Variants in ARHGEF17 observed in about 807,000 individuals in gnomAD.
ARHGEF17 encodes the protein 164 kDa Rho-specific guanine-nucleotide exchange factor.
In ARHGEF17, 80 loss-of-function variants were observed where a neutral mutation model predicts 174.0. That is an observed-to-expected ratio of 0.46 (90% CI 0.38 to 0.55). The LOEUF is 0.55. Among genes scored for constraint, ARHGEF17 ranks in the 20% least tolerant of loss-of-function variants. The pLI, the probability that ARHGEF17 is intolerant of heterozygous loss-of-function variation, is 0.00. For synonymous variants in ARHGEF17, 1,311 were observed against 1,189.1 expected, an observed-to-expected ratio of 1.10 and a Z score of -2.11; for missense variants, 2,886 against 2,839.7, an observed-to-expected ratio of 1.02 and a Z score of -0.37.
In ARHGEF17 at chr11:73,310,508, G is replaced by C; in HGVS notation, c.1870G>C (p.Gly624Arg). The change falls in exon 1 of 21, where the codon GGG becomes CGG. Residue 624 changes from glycine to arginine, a missense_variant. Coordinates refer to ENST00000263674, the MANE Select transcript of ARHGEF17 (RefSeq NM_014786.4). ...DAPPGSPDWA[G>R]DVTRGQRSQE... ...CCCCCCTGGAAGCCCTGACTGGGCA[G>C]GGGATGTGACCCGAGGGCAGCGGTC... The C allele has an allele frequency of 6.2e-7, 1 of 1,614,046 alleles. No individual in the cohort carries two copies. Among genetic ancestry groups the C allele is most frequent in the Non-Finnish European group, 8.5e-7 (1 of 1,180,044 alleles).
rs774452267 is a variant in ARHGEF17 at position 73,345,641 on chromosome 11, T to TG, written c.3193-1240dup. Among the ~76,000 whole-genome samples the TG allele has an allele frequency of 2.0e-5, 3 of 152,126 alleles. No individual in the cohort carries two copies. In the East Asian group the frequency reaches 5.8e-4, roughly 29 times the overall value. ...ACCCTGAAGGACTAGAGGTGGAGGC[T>TG]GGAGGGATGCCACAGACATGGACAC... On this transcript the variant is annotated intron_variant, in intron 1 of 20. Coordinates refer to ENST00000263674, the MANE Select transcript of ARHGEF17 (RefSeq NM_014786.4).
chr11:73,337,490 C>T (rs780380681), intron 1 of ARHGEF17, among the ~76,000 whole-genome samples: 3 of 152,022 alleles, frequency 2.0e-5, no homozygotes, highest in Non-Finnish European at 4.4e-5. Context: ...AGGAAAACAG[C>T]TCATTGTAGC....
intron 17 of ARHGEF17, 74 bp from the exon 18 acceptor site, chr11:73,364,378 A>G (rs975567271): frequency 6.2e-7 from 1 of 1,607,906 alleles, no homozygotes; most frequent in Non-Finnish European, 8.5e-7. Flanking sequence ...GAATGTTAAC[A>G]TCTCATTTCA....
chr11:73,336,230 G>C (rs946472264), intron 1 of ARHGEF17, among the ~76,000 whole-genome samples: 9 of 152,172 alleles, frequency 5.9e-5, no homozygotes, highest in African/African-American at 2.2e-4. Context: ...GCTTCCTGGA[G>C]CCTTTGTTTC....
Position 73,357,016 on chromosome 11 carries a change from G to T in ARHGEF17, c.3892-9G>T, listed in dbSNP as rs112262421. ...CCACCCAGCCTGAATTCTGCCTTGGGCTCCACAGAAGGCGATCGGTGGCAA... is the reference window on the plus strand; with the variant it reads ...CCACCCAGCCTGAATTCTGCCTTGGTCTCCACAGAAGGCGATCGGTGGCAA... On this transcript the variant is annotated splice_polypyrimidine_tract_variant and intron_variant, in intron 7 of 20. Transcript: ENST00000263674. 6.2e-7 allele frequency: 1 copy of T among 1,613,798 alleles called. No individual in the cohort carries two copies. The highest frequency in any genetic ancestry group is 2.2e-5 in the East Asian group (1 of 44,864).
rs1232067101 is a variant in ARHGEF17 at position 73,311,157 on chromosome 11, C to T, written c.2519C>T (p.Pro840Leu). 1 of 1,596,840 alleles carries T rather than the reference C, an allele frequency of 6.3e-7. No individual in the cohort carries two copies. Among genetic ancestry groups the T allele is most frequent in the East Asian group, 2.2e-5 (1 of 44,582 alleles). ...AGCCGCCGTGGGGAGCTGGCTGGGC[C>T]TGGATTCGAGGGCCCTGGAGGGGAG... Reference protein sequence around the residue: ...DPSRRGELAGPGFEGPGGEPI... With the variant: ...DPSRRGELAGLGFEGPGGEPI... The change falls in exon 1 of 21, where the codon CCT (proline) becomes CTT (leucine). Residue 840 changes from proline (P) to leucine (L), a missense_variant. This residue lies in a region of ARHGEF17 where 1,728 missense variants were observed against 1,461.2 expected (regional missense o/e 1.18). Coordinates refer to ENST00000263674, the MANE Select transcript of ARHGEF17 (RefSeq NM_014786.4).
rs1250641731 is a variant in ARHGEF17, at chr11:73,356,305, C to G, written c.3794C>G (p.Ala1265Gly). Reference sequence around the variant, plus strand: ...AGTGCCGAGGAGGCGGAGCGCCATGCCCGTGTGCTGCAGGAGATAGAGGCT... The same window carrying G: ...AGTGCCGAGGAGGCGGAGCGCCATGGCCGTGTGCTGCAGGAGATAGAGGCT... ...VRSAEEAERH[A>G]RVLQEIEAHI... is the part of the protein sequence containing the mutation. Residue 1265 changes from alanine to glycine, a missense_variant, in exon 6 of 21, where the codon GCC becomes GGC. By Grantham distance (60) the Ala-to-Gly change is moderately conservative (BLOSUM62 0). Coordinates refer to ENST00000263674, the MANE Select transcript of ARHGEF17 (RefSeq NM_014786.4). The G allele has an allele frequency of 6.8e-6, 11 of 1,613,158 alleles. No homozygotes were observed. Among genetic ancestry groups the G allele is most frequent in the Non-Finnish European group, 8.5e-6 (10 of 1,180,018 alleles).
intron 1 of ARHGEF17, among the ~76,000 whole-genome samples, chr11:73,321,179 C>T (rs1865011322): frequency 1.3e-5 from 2 of 152,222 alleles, no homozygotes; most frequent in African/African-American, 4.8e-5. Context: ...GTCAGTGGCT[C>T]CGAGCCTGGT....
Position 73,367,869 on chromosome 11 carries a change from G to A in ARHGEF17, c.*89G>A. 7.2e-7 allele frequency: 1 copy of A among 1,395,700 alleles called. No homozygotes were observed. The highest frequency in any genetic ancestry group is 9.8e-7 in the Non-Finnish European group (1 of 1,024,400). 86.5% of individuals were successfully genotyped at this position (1,395,700 alleles called of 1,614,324 possible). On this transcript the variant is annotated 3_prime_UTR_variant, in exon 21 of 21. Transcript: ENST00000263674. The stretch of plus-strand genomic sequence containing the variant: ...GCCCACACGCAGACTTTGACCAGGA[G>A]TATCCAGCCAGGGGCACACATGTGC...
rs1865781978 is a variant in ARHGEF17, at chr11:73,363,394, C to T, written c.5185C>T (p.Leu1729=). The T allele has an allele frequency of 2.5e-6, 4 of 1,613,314 alleles. No individual in the cohort carries two copies. The East Asian group carries it at 6.7e-5, about 27-fold the overall frequency. The change falls in exon 15 of 21, where the codon CTG becomes TTG. Residue 1729 remains leucine (L), a synonymous_variant. Coordinates refer to ENST00000263674, the MANE Select transcript of ARHGEF17 (RefSeq NM_014786.4). ...CTTCACCCGGGGCAGCCTTGAGGAC[C>T]TGCTGAGTGTCGACCCTGAGGCCTA... ...GSFTRGSLED[L]LSVDPEAYQS...
chr11:73,354,264 G>A (rs973545259), intron 3 of ARHGEF17, among the ~76,000 whole-genome samples: 1 of 152,208 alleles, frequency 6.6e-6, no homozygotes, highest in Non-Finnish European at 1.5e-5. Context: ...GGACCTTGAT[G>A]CTGACCATGG....
intron 2 of ARHGEF17, among the ~76,000 whole-genome samples, chr11:73,349,027 G>T (rs948266817): frequency 6.6e-6 from 1 of 152,182 alleles, no homozygotes; most frequent in Admixed American, 6.5e-5. Flanking sequence ...ACCAGAGGTG[G>T]CCAGGTGGCT....
intron 1 of ARHGEF17, among the ~76,000 whole-genome samples, chr11:73,337,366 T>A (rs1865302437): frequency 7.3e-6 from 1 of 137,812 alleles, no homozygotes; most frequent in Non-Finnish European, 1.5e-5. Flanking sequence ...GTCACGCCAC[T>A]ACACTCCAGC....
intron 1 of ARHGEF17, among the ~76,000 whole-genome samples, chr11:73,334,041 G>A (rs999595015): frequency 1.3e-5 from 2 of 152,222 alleles, no homozygotes; most frequent in African/African-American, 4.8e-5. Context: ...AGTCTCTGTT[G>A]TAGGCATGGA....
chr11:73,309,859 T>G lies in ARHGEF17; in HGVS notation c.1221T>G (p.Ser407Arg), dbSNP rs368720535. ...ETLKDDDLWS[S>R]RGSGGWGVYR... ...TCAAGGACGACGACCTATGGTCTAG[T>G]AGGGGTTCTGGGGGCTGGGGCGTGT... The change falls in exon 1 of 21, where the codon AGT becomes AGG. Residue 407 changes from serine to arginine, a missense_variant. By Grantham distance (110) the Ser-to-Arg change is moderately radical. Coordinates refer to ENST00000263674, the MANE Select transcript of ARHGEF17 (RefSeq NM_014786.4). The G allele has an allele frequency of 3.4e-5, 55 of 1,613,182 alleles. No individual in the cohort carries two copies. The highest frequency in any genetic ancestry group is 4.3e-5 in the Non-Finnish European group (51 of 1,180,010).
chr11:73,346,506 G>C (rs1865463102), intron 1 of ARHGEF17, among the ~76,000 whole-genome samples: 1 of 152,262 alleles, frequency 6.6e-6, no homozygotes, highest in Admixed American at 6.5e-5. Context: ...GGCAGCTGGA[G>C]TGGGTGCTGG....
Position 73,360,453 on chromosome 11 carries a change from A to G in ARHGEF17, c.4340A>G (p.Asp1447Gly), listed in dbSNP as rs1377886892. ...TGCGCCACTCGGCCCGAGGGCACCGACTCCTACATTTTTGAGTTCCCTCAC... is the reference window on the plus strand; with the variant it reads ...TGCGCCACTCGGCCCGAGGGCACCGGCTCCTACATTTTTGAGTTCCCTCAC... The part of the protein sequence containing the change: ...ELCATRPEGT[D>G]SYIFEFPHPD... The change falls in exon 11 of 21, where the codon GAC becomes GGC. Residue 1447 changes from aspartate (D) to glycine (G), a missense_variant. By Grantham distance (94) the Asp-to-Gly change is moderately conservative (BLOSUM62 -1). This residue lies in a region of ARHGEF17 where 476 missense variants were observed against 473.1 expected (regional missense o/e 1.01). Transcript: ENST00000263674. 6.2e-7 allele frequency: 1 copy of G among 1,613,846 alleles called. No individual in the cohort carries two copies. The highest frequency in any genetic ancestry group is 1.1e-5 in the South Asian group (1 of 91,072).
chr11:73,325,897 C>G (rs1327825160), intron 1 of ARHGEF17, among the ~76,000 whole-genome samples: 1 of 152,254 alleles, frequency 6.6e-6, no homozygotes, highest in Non-Finnish European at 1.5e-5. Flanking sequence ...ATGGGACAGC[C>G]CAGCCATTTG....
At chr11:73,347,109 A>G in intron 2 of ARHGEF17, 149 bp downstream of exon 2, 1 of 793,988 alleles carries the variant, frequency 1.3e-6, no homozygotes, top group South Asian at 1.5e-5. Flanking sequence ...AAGAACCCCC[A>G]GCATGGCCAT....
Sources: gnomAD v4.1 joint callset for allele counts (sites outside exome capture counted in the v4.1 genomes callset) on GRCh38, gnomAD v4.1.1 for gene constraint, gnomAD v4.1.1 regional missense constraint, MANE v1.5 for transcripts, NCBI Gene and HGNC (gene_info 2026-07-23, HGNC 2026-07-21) for gene names.